The following FBLN1 variants were observed in gnomAD, a reference collection of about 807,000 sequenced individuals.
The protein encoded by FBLN1 is fibulin-1.
In FBLN1, 34 loss-of-function variants were observed where a neutral mutation model predicts 89.7. The ratio of observed to expected loss-of-function variants is 0.38; its 90% CI spans 0.29 to 0.50. FBLN1 has a LOEUF of 0.50. FBLN1 is among the 20% of genes least tolerant of loss of function. FBLN1 has a pLI of 0.92. For synonymous variants in FBLN1, 393 were observed against 391.3 expected, an observed-to-expected ratio of 1.00 and a Z score of -0.05; for missense variants, 777 against 988.1, an observed-to-expected ratio of 0.79 and a Z score of 2.86.
rs992486451 is a variant in FBLN1 at position 45,597,728 on chromosome 22, A to G, written c.1973-2579A>G. ...GGCTTTCAAGCAGGACAAAGCTTCA[A>G]TGTCATCACCAGGTAGCAGGCAGAG... On this transcript the variant is annotated intron_variant, in intron 16 of 16. Transcript: ENST00000327858. This position sits in a 1 kb window ranked among gnomAD's most constrained non-coding sequence, Gnocchi z 4.2. Among the ~76,000 whole-genome samples, 14 of 152,232 alleles carry G rather than the reference A, an allele frequency of 9.2e-5. No homozygotes were observed. Among genetic ancestry groups the G allele is most frequent in the Admixed American group, 5.9e-4 (9 of 15,288 alleles).
rs1413073741 is a variant in FBLN1, at chr22:45,537,824, G to A, written c.922+2487G>A. On this transcript the variant is annotated intron_variant, in intron 8 of 16. Transcript: ENST00000327858. The surrounding 1 kb of genome is among the most constrained non-coding windows in gnomAD (Gnocchi z 5.7). ...CAGGGAGGGGTGGTTTTCGCTCAGC[G>A]CAGGGGGTGGTGAGCAGGGAAGCCA... Among the ~76,000 whole-genome samples, 2 of 152,134 alleles carry A rather than the reference G, an allele frequency of 1.3e-5. No homozygotes were observed. Among genetic ancestry groups the A allele is most frequent in the South Asian group, 4.2e-4 (2 of 4,814 alleles).
chr22:45,504,178 A>G (rs1246004119), intron 1 of FBLN1, among the ~76,000 whole-genome samples: 1 of 139,516 alleles, frequency 7.2e-6, no homozygotes, highest in Non-Finnish European at 1.5e-5. Flanking sequence ...GTCCCAACTA[A>G]TGCTCACTGG....
chr22:45,596,610 T>C (rs1447155533), intron 16 of FBLN1, among the ~76,000 whole-genome samples: 1 of 148,660 alleles, frequency 6.7e-6, no homozygotes, highest in South Asian at 2.1e-4. Context: ...GATTACTATA[T>C]ACATATATCA....
At chr22:45,565,314 C>T in intron 14 of FBLN1, 1 of 1,265,336 alleles carries the variant, frequency 7.9e-7, no homozygotes, top group Non-Finnish European at 1.0e-6. Flanking sequence ...GATCTGGCCT[C>T]TGCCCACCCT....
At chr22:45,600,226 C>G (rs777712162) in intron 16 of FBLN1, 81 bp from the exon 17 acceptor site, 4 of 1,573,860 alleles carry the variant, frequency 2.5e-6, no homozygotes, top group Non-Finnish European at 2.6e-6. Flanking sequence ...CTCTGAAACT[C>G]CTCAAGGGAA....
At position 45,562,823 on chromosome 22, in the gene FBLN1, C is replaced by A; in HGVS notation, c.1698-11688C>A. ...GAGGGGCGGCGGGAGGCCCCGCCTG[C>A]CAGCCCCGCATCCCCGCGCTCTGCC... On this transcript the variant is annotated intron_variant, in intron 14 of 16. Transcript: ENST00000327858. The surrounding 1 kb of genome is among the most constrained non-coding windows in gnomAD (Gnocchi z 7.8). 1 of 1,331,234 alleles carries A rather than the reference C, an allele frequency of 7.5e-7. No individual in the cohort carries two copies. The highest frequency in any genetic ancestry group is 1.1e-6 in the Non-Finnish European group (1 of 934,916). 82.5% of individuals were successfully genotyped at this position (1,331,234 alleles called of 1,614,324 possible). A position where few individuals can be genotyped will look rare whatever the true frequency, so the allele number is the denominator to read the frequency against.
At chr22:45,506,676 A>G (rs916552315) in intron 1 of FBLN1, among the ~76,000 whole-genome samples, 3 of 152,120 alleles carry the variant, frequency 2.0e-5, no homozygotes, top group African/African-American at 7.2e-5. Flanking sequence ...GGAAGAGAAA[A>G]CACGAGACTT....
rs78392017 is a variant in FBLN1, at chr22:45,597,230, T to A, written c.1973-3077T>A. Among the ~76,000 whole-genome samples, 577 of 152,332 alleles carry A rather than the reference T, an allele frequency of 3.8e-3. No individual in the cohort carries two copies. Among genetic ancestry groups the A allele is most frequent in the Non-Finnish European group, 6.1e-3 (418 of 68,040 alleles). On this transcript the variant is annotated intron_variant, in intron 16 of 16. Coordinates refer to ENST00000327858, the MANE Select transcript of FBLN1 (RefSeq NM_006486.3). This position sits in a 1 kb window ranked among gnomAD's most constrained non-coding sequence, Gnocchi z 4.2. ...GTTGCCCACGCTGGTCTCGAACTCA[T>A]GGGCTTGTGATCTGCCCGCCTAAGC...
rs1276991938 is a variant in FBLN1, at chr22:45,572,405, G to A, written c.1698-2106G>A. On this transcript the variant is annotated intron_variant, in intron 14 of 16. Coordinates refer to ENST00000327858, the MANE Select transcript of FBLN1 (RefSeq NM_006486.3). The surrounding 1 kb of genome is among the most constrained non-coding windows in gnomAD (Gnocchi z 5.8). ...CAGAGGATCAAACCTCATCGGAGTG[G>A]CTTCCATCATGGGTTCATACTGATT... Among the ~76,000 whole-genome samples, 1 of 152,142 alleles carries A rather than the reference G, an allele frequency of 6.6e-6. No individual in the cohort carries two copies. Among genetic ancestry groups the A allele is most frequent in the Admixed American group, 6.5e-5 (1 of 15,272 alleles).
In FBLN1 at chr22:45,574,679, CAGGGCCCCCT is replaced by C. The variant is rs1569262606; in HGVS notation, c.1840+33_1840+42del. 1 of 1,608,614 alleles carries C rather than the reference CAGGGCCCCCT, an allele frequency of 6.2e-7. No homozygotes were observed. The highest frequency in any genetic ancestry group is 8.5e-7 in the Non-Finnish European group (1 of 1,177,790). On this transcript the variant is annotated intron_variant, in intron 15 of 16. Coordinates refer to ENST00000327858, the MANE Select transcript of FBLN1 (RefSeq NM_006486.3). The surrounding 1 kb of genome is among the most constrained non-coding windows in gnomAD (Gnocchi z 4.1). ...GTGAGTGGGATGGGTGTGGGGGTCC[CAGGGCCCCCT>C]AGGGCCTCCCTCGGCTTCAGCTGAG... is the stretch of plus-strand genomic sequence containing the variant.
chr22:45,589,217 T>G (rs1264805321), intron 16 of FBLN1, among the ~76,000 whole-genome samples: 2 of 152,004 alleles, frequency 1.3e-5, no homozygotes, highest in Admixed American at 6.6e-5. Context: ...ATGAGGAAAC[T>G]GAGGCACACA....
At chr22:45,541,718 A>G (rs1259853433) in intron 9 of FBLN1, among the ~76,000 whole-genome samples, 1 of 152,176 alleles carries the variant, frequency 6.6e-6, no homozygotes, top group African/African-American at 2.4e-5. Flanking sequence ...TAATTCAGGC[A>G]ATGTGGGTCT....
rs571138392 is a variant in FBLN1 at position 45,547,208 on chromosome 22, C to A, written c.1441+4C>A. The A allele has an allele frequency of 3.1e-6, 5 of 1,613,520 alleles. No homozygotes were observed. The highest frequency in any genetic ancestry group is 2.2e-5 in the East Asian group (1 of 44,874). Reference sequence around the variant, plus strand: ...GTGGATGGAGTCACCTGTGAAGGTGCGGACGCCCCTGCCTGCTGAGGGGGA... The same window carrying A: ...GTGGATGGAGTCACCTGTGAAGGTGAGGACGCCCCTGCCTGCTGAGGGGGA... On this transcript the variant is annotated splice_donor_region_variant and intron_variant, in intron 12 of 16. Transcript: ENST00000327858.
chr22:45,534,502 C>A (rs754304754), intron 7 of FBLN1, among the ~76,000 whole-genome samples: 1 of 152,152 alleles, frequency 6.6e-6, no homozygotes, highest in Admixed American at 6.5e-5. Context: ...TGATGAGGAT[C>A]GTTTAGAACA....
chr22:45,517,482 A>C (rs549714470), intron 1 of FBLN1: 1 of 462,664 alleles, frequency 2.2e-6, no homozygotes, highest in African/African-American at 2.0e-5. Context: ...GGCATGGGGC[A>C]CAAGGGCCTG....
chr22:45,525,437 G>T, intron 2 of FBLN1, 106 bp from the exon 3 acceptor site: 1 of 982,178 alleles, frequency 1.0e-6, no homozygotes, highest in South Asian at 1.4e-5. Flanking sequence ...GTCTGTGGGA[G>T]CAGGGAAGGG....
chr22:45,585,566 A>G (rs951573392), intron 16 of FBLN1, among the ~76,000 whole-genome samples: 1 of 152,166 alleles, frequency 6.6e-6, no homozygotes, highest in Non-Finnish European at 1.5e-5. Context: ...CCCAGGGATG[A>G]CGCGCTTTCT....
rs186483132 is a variant in FBLN1, at chr22:45,544,584, T to C, written c.1321+1058T>C. Among the ~76,000 whole-genome samples the C allele has an allele frequency of 5.3e-5, 8 of 152,348 alleles. No individual in the cohort carries two copies. The East Asian group carries it at 1.5e-3, about 29-fold the overall frequency. On this transcript the variant is annotated intron_variant, in intron 11 of 16. Coordinates refer to ENST00000327858, the MANE Select transcript of FBLN1 (RefSeq NM_006486.3). ...CTAAAGTAGATGCTTCTAAGGAACA[T>C]GGAGGTCAGCGCCTGTAGTCAGGTT... is the stretch of plus-strand genomic sequence containing the variant.
chr22:45,548,519 G>C, intron 12 of FBLN1, 94 bp from the exon 13 acceptor site: 2 of 1,557,080 alleles, frequency 1.3e-6, no homozygotes, highest in Non-Finnish European at 1.7e-6. Flanking sequence ...CTGCCCTCCC[G>C]GGCCCCAGTG....
Sources: allele counts gnomAD v4.1 joint callset (sites outside exome capture counted in the v4.1 genomes callset), GRCh38; gene constraint gnomAD v4.1.1; non-coding constraint Gnocchi (gnomAD v3.1); transcripts MANE v1.5; gene names NCBI Gene and HGNC (gene_info 2026-07-23, HGNC 2026-07-21).